Variants in BLK observed in about 807,000 individuals in gnomAD.
BLK encodes BLK proto-oncogene, Src family tyrosine kinase.
A neutral mutation model predicts 61.8 loss-of-function variants in BLK; 64 were observed. The observed-to-expected ratio is 1.03, with a 90% confidence interval of 0.85 to 1.27. The LOEUF is 1.27. Among genes scored for constraint, BLK ranks in the 50% most tolerant of loss-of-function variants. The pLI, the probability that BLK is intolerant of heterozygous loss-of-function variation, is 0.00. For synonymous variants in BLK, 351 were observed against 272.0 expected (o/e 1.29, Z -2.86); for missense variants, 853 against 660.5 (o/e 1.29, Z -3.19).
In BLK at chr8:11,554,749, T is replaced by A; in HGVS notation, c.479T>A (p.Phe160Tyr). The A allele has an allele frequency of 6.2e-7, 1 of 1,613,612 alleles. No homozygotes were observed. The highest frequency in any genetic ancestry group is 8.5e-7 in the Non-Finnish European group (1 of 1,180,034). ...GTCTTCATGAACCCTCCAGGTGCCTTCTCCCTGTCTGTGAAGGATGTCACC... is the reference window on the plus strand; with the variant it reads ...GTCTTCATGAACCCTCCAGGTGCCTACTCCCTGTCTGTGAAGGATGTCACC... ...IRESETNKGA[F>Y]SLSVKDVTTQ... is the part of the protein sequence containing the mutation. The change falls in exon 7 of 13, where the codon TTC (phenylalanine) becomes TAC (tyrosine). Residue 160 changes from phenylalanine (F) to tyrosine (Y), a missense_variant. Coordinates refer to ENST00000259089, the MANE Select transcript of BLK (RefSeq NM_001715.3).
At chr8:11,532,230 GC>G (rs35362208) in intron 1 of BLK, among the ~76,000 whole-genome samples, 87,229 of 150,480 alleles carry the variant, frequency 0.58, 26,066 homozygotes, top group Non-Finnish European at 0.65. Context: ...ACAAAATCTC[GC>G]TCTGTTGCCC....
intron 2 of BLK, among the ~76,000 whole-genome samples, chr8:11,543,966 T>TG (rs913406390): frequency 3.0e-5 from 1 of 33,082 alleles, no homozygotes; most frequent in Non-Finnish European, 6.8e-5. Context: ...TGAAGATGCA[T>TG]TTTTTTTTTT....
At chr8:11,545,271 G>A (rs180787484) in intron 2 of BLK, among the ~76,000 whole-genome samples, 91 of 152,166 alleles carry the variant, frequency 6.0e-4, no homozygotes, top group Middle Eastern at 6.8e-3. Context: ...TGTATCGGTC[G>A]GGCATGATGG....
chr8:11,533,402 A>T (rs1374074892), intron 1 of BLK, among the ~76,000 whole-genome samples: 1 of 152,170 alleles, frequency 6.6e-6, no homozygotes, highest in Non-Finnish European at 1.5e-5. Flanking sequence ...CCAAGGAAAC[A>T]TTGGAGAAAC....
At chr8:11,552,735 C>A (rs958667102) in intron 6 of BLK, 2 of 152,194 alleles carry the variant, frequency 1.3e-5, no homozygotes, top group African/African-American at 4.8e-5. Flanking sequence ...AGCCTCCCCA[C>A]CCCCTGCCCA....
chr8:11,495,306 C>T (rs185111885), intron 1 of BLK, among the ~76,000 whole-genome samples: 2 of 76,938 alleles, frequency 2.6e-5, no homozygotes, highest in Admixed American at 1.5e-4. Context: ...AGGAATTGTG[C>T]GTTTGCAGTA....
At chr8:11,496,598 T>C (rs2618480) in intron 1 of BLK, among the ~76,000 whole-genome samples, 126,270 of 151,884 alleles carry the variant, frequency 0.83, 52,687 homozygotes, top group Admixed American at 0.87. Flanking sequence ...CGGAATACAC[T>C]CTCATCTGCC....
intron 1 of BLK, among the ~76,000 whole-genome samples, chr8:11,510,599 TA>T (rs936888649): frequency 6.6e-6 from 1 of 152,094 alleles, no homozygotes; most frequent in African/African-American, 2.4e-5. Flanking sequence ...AAATGTTTTT[TA>T]AAAAACCCAG....
At chr8:11,547,494 TG>T (rs1403614855) in intron 3 of BLK, among the ~76,000 whole-genome samples, 2 of 152,070 alleles carry the variant, frequency 1.3e-5, no homozygotes, top group African/African-American at 4.8e-5. Flanking sequence ...GCCAGCAAGG[TG>T]GGGGGCCCGG....
At chr8:11,507,917 C>G (rs1798842442) in intron 1 of BLK, among the ~76,000 whole-genome samples, 2 of 152,162 alleles carry the variant, frequency 1.3e-5, no homozygotes, top group Admixed American at 1.3e-4. Flanking sequence ...GGTTCAGGGC[C>G]CAGCACTGCT....
intron 1 of BLK, among the ~76,000 whole-genome samples, chr8:11,540,553 C>G (rs985300930): frequency 7.9e-5 from 12 of 151,844 alleles, no homozygotes; most frequent in East Asian, 3.9e-4. Flanking sequence ...ATATTAGGAA[C>G]AAGAAAAACA....
intron 1 of BLK, among the ~76,000 whole-genome samples, chr8:11,524,245 T>G (rs1799562312): frequency 6.6e-6 from 1 of 152,208 alleles, no homozygotes; most frequent in Non-Finnish European, 1.5e-5. Flanking sequence ...TGACACAATA[T>G]AAACAGTTTG....
rs1428630061 is a variant in BLK at position 11,564,590 on chromosome 8, G to A, written c.*482G>A. On this transcript the variant is annotated 3_prime_UTR_variant, in exon 13 of 13. Transcript: ENST00000259089. ...CGGGGCTTTTCTGCAATAAAGTCAC[G>A]AGCGTTCGAGCTGTTCCGTGTCGTT... The A allele has an allele frequency of 4.8e-6, 2 of 412,708 alleles. No homozygotes were observed. The highest frequency in any genetic ancestry group is 1.7e-5 in the South Asian group (1 of 57,264). The allele number at this position is 412,708 out of a possible 1,614,324, so 25.6% of individuals were successfully genotyped here.
chr8:11,506,803 G>A (rs1036400121), intron 1 of BLK, among the ~76,000 whole-genome samples: 1 of 152,154 alleles, frequency 6.6e-6, no homozygotes, highest in African/African-American at 2.4e-5. Flanking sequence ...CCAGGTTGAG[G>A]GATGCATCCT....
Position 11,499,414 on chromosome 8 carries a change from T to C in BLK, c.-2+4823T>C, listed in dbSNP as rs116755589. Among the ~76,000 whole-genome samples, 439 of 152,306 alleles carry C rather than the reference T, an allele frequency of 2.9e-3. 2 individuals are homozygous for C. Among genetic ancestry groups the C allele is most frequent in the African/African-American group, 9.9e-3 (412 of 41,528 alleles). On this transcript the variant is annotated intron_variant, in intron 1 of 12. Transcript: ENST00000259089. ...GTAACTATATTTTGGGAACTTCCCC[T>C]GTATCCAGATAGTCAGTCCAAGAGC...
intron 6 of BLK, among the ~76,000 whole-genome samples, chr8:11,553,873 C>T (rs752050631): frequency 6.6e-6 from 1 of 152,158 alleles, no homozygotes; most frequent in Non-Finnish European, 1.5e-5. Context: ...TTAAGTCAAA[C>T]AGGACCGCGG....
chr8:11,495,133 G>A (rs867888877), intron 1 of BLK, among the ~76,000 whole-genome samples: 1 of 152,236 alleles, frequency 6.6e-6, no homozygotes, highest in African/African-American at 2.4e-5. Flanking sequence ...TTGTTTAAGA[G>A]ATCTATTTCA....
chr8:11,563,875 C>T lies in BLK; in HGVS notation c.1313-28C>T, dbSNP rs10097015. 630,891 of 1,594,148 alleles carry T rather than the reference C, an allele frequency of 0.4. 133,786 individuals carry two copies. The highest frequency in any genetic ancestry group is 0.92 in the East Asian group (40,345 of 43,912). On this transcript the variant is annotated intron_variant, in intron 12 of 12. Transcript: ENST00000259089. Reference sequence around the variant, plus strand: ...ACCCACCGAGGACCCCAGCCCCTCACCCCCGCTTGCGGTCTCCTCTGCCGC... The same window carrying T: ...ACCCACCGAGGACCCCAGCCCCTCATCCCCGCTTGCGGTCTCCTCTGCCGC...
chr8:11,554,517 A>C (rs184877396), intron 6 of BLK, among the ~76,000 whole-genome samples: 1 of 152,278 alleles, frequency 6.6e-6, no homozygotes, highest in Admixed American at 6.5e-5. Context: ...TGAGTTTTGC[A>C]GGATAGTGGG....
Sources: allele counts gnomAD v4.1 joint callset (sites outside exome capture counted in the v4.1 genomes callset), GRCh38; gene constraint gnomAD v4.1.1; transcripts MANE v1.5; gene names NCBI Gene and HGNC (gene_info 2026-07-23, HGNC 2026-07-21).